ST8SIA4: variants seen among roughly 807,000 people sequenced by gnomAD.
The protein encoded by ST8SIA4 is CMP-N-acetylneuraminate-poly-alpha-2,8-sialyltransferase.
In ST8SIA4, 15 loss-of-function variants were observed where a neutral mutation model predicts 33.9. That is an observed-to-expected ratio of 0.44 (90% confidence interval 0.30 to 0.68). The LOEUF is 0.68. Ranked by LOEUF, ST8SIA4 falls within the 30% of genes least tolerant of loss-of-function variation. The probability of loss-of-function intolerance (pLI) is 0.10; values close to 1 mark genes in which losing one functional copy is unlikely to be tolerated. For missense variants in ST8SIA4, 321 were observed against 428.0 expected, an observed-to-expected ratio of 0.75 and a Z score of 2.21; for synonymous variants, 171 against 151.2, an observed-to-expected ratio of 1.13 and a Z score of -0.96.
At chr5:100,883,227 G>A (rs983188438) in intron 3 of ST8SIA4, among the ~76,000 whole-genome samples, 1 of 152,216 alleles carries the variant, frequency 6.6e-6, no homozygotes, top group Non-Finnish European at 1.5e-5. Context: ...ACCTACACGT[G>A]AGACCTGGCA....
chr5:100,839,801 T>C (rs958298133), intron 4 of ST8SIA4, among the ~76,000 whole-genome samples: 11 of 151,886 alleles, frequency 7.2e-5, no homozygotes, highest in African/African-American at 2.7e-4. Context: ...CACTGTTCTA[T>C]AGTGAGATTG....
chr5:100,872,260 G>T (rs115162615), intron 3 of ST8SIA4, among the ~76,000 whole-genome samples: 2 of 151,828 alleles, frequency 1.3e-5, no homozygotes, highest in African/African-American at 4.8e-5. Flanking sequence ...GGTACAGCAC[G>T]TATAGATTAT....
chr5:100,886,511 A>G lies in ST8SIA4; in HGVS notation c.335T>C (p.Leu112Pro), dbSNP rs1752540923. ...AATGTTTAGTGTCCGGCGCCTGTCAAGCACATAGTGTATGACATCACCAGG... is the reference window on the plus strand; with the variant it reads ...AATGTTTAGTGTCCGGCGCCTGTCAGGCACATAGTGTATGACATCACCAGG... ...FKPGDVIHYV[L>P]DRRRTLNISH... is the part of the protein sequence containing the mutation. The change falls in exon 3 of 5, where the codon CTT becomes CCT. Residue 112 changes from leucine to proline, a missense_variant. Transcript: ENST00000231461. The G allele has an allele frequency of 1.2e-6, 2 of 1,613,882 alleles. No homozygotes were observed. The highest frequency in any genetic ancestry group is 1.7e-6 in the Non-Finnish European group (2 of 1,179,780).
chr5:100,901,138 G>C (rs893976218), intron 1 of ST8SIA4, among the ~76,000 whole-genome samples: 3 of 152,216 alleles, frequency 2.0e-5, no homozygotes, highest in African/African-American at 4.8e-5. Flanking sequence ...GGAGTGTCCC[G>C]GCTCCGCTTC....
At chr5:100,867,972 A>G (rs769166413) in intron 3 of ST8SIA4, among the ~76,000 whole-genome samples, 2 of 152,000 alleles carry the variant, frequency 1.3e-5, no homozygotes, top group Non-Finnish European at 2.9e-5. Flanking sequence ...CTCAAGCTCT[A>G]TTTTAACAGA....
At chr5:100,901,662 A>G (rs550255867) in intron 1 of ST8SIA4, among the ~76,000 whole-genome samples, 2 of 152,172 alleles carry the variant, frequency 1.3e-5, no homozygotes, top group South Asian at 4.1e-4. Flanking sequence ...TAGCTTTTTC[A>G]TTCTCTTCCA....
intron 3 of ST8SIA4, among the ~76,000 whole-genome samples, chr5:100,857,958 T>C (rs1189227560): frequency 2.0e-5 from 3 of 152,040 alleles, no homozygotes; most frequent in Non-Finnish European, 4.4e-5. Context: ...TGTATTTGTT[T>C]CTACTCATGA....
rs1203289536 is a variant in ST8SIA4 at position 100,902,931 on chromosome 5, T to A, written c.25A>T (p.Thr9Ser). MRSIRKRW[T>S]ICTISLLLIF... ...AGGAGCAGACTTATTGTGCAGATCG[T>A]CCACCTCTTCCTAATGGAGCGCATC... The change falls in exon 1 of 5, where the codon ACG (threonine) becomes TCG (serine). Residue 9 changes from threonine (T) to serine (S), a missense_variant. Coordinates refer to ENST00000231461, the MANE Select transcript of ST8SIA4 (RefSeq NM_005668.6). 6.2e-7 allele frequency: 1 copy of A among 1,614,178 alleles called. No homozygotes were observed. Among genetic ancestry groups the A allele is most frequent in the Non-Finnish European group, 8.5e-7 (1 of 1,180,012 alleles).
intron 4 of ST8SIA4, among the ~76,000 whole-genome samples, chr5:100,842,931 A>T (rs1268351859): frequency 6.6e-6 from 1 of 151,894 alleles, no homozygotes; most frequent in African/African-American, 2.4e-5. Flanking sequence ...CAAGTTTGTA[A>T]CTGATGCAAA....
At chr5:100,870,427 T>A (rs1040914988) in intron 3 of ST8SIA4, among the ~76,000 whole-genome samples, 1 of 152,182 alleles carries the variant, frequency 6.6e-6, no homozygotes, top group Non-Finnish European at 1.5e-5. Flanking sequence ...TTGGAAGACA[T>A]CATTAACTTG....
chr5:100,834,584 C>T (rs1245252627), intron 4 of ST8SIA4, among the ~76,000 whole-genome samples: 1 of 151,984 alleles, frequency 6.6e-6, no homozygotes, highest in Non-Finnish European at 1.5e-5. Flanking sequence ...GGATCTATGT[C>T]CCTGGGAAAT....
chr5:100,819,354 C>A (rs984322886), intron 4 of ST8SIA4, among the ~76,000 whole-genome samples: 8 of 152,186 alleles, frequency 5.3e-5, no homozygotes, highest in African/African-American at 1.9e-4. Context: ...ATACTAATAG[C>A]ATTTGGGAAG....
intron 3 of ST8SIA4, among the ~76,000 whole-genome samples, chr5:100,858,024 A>G (rs1435244995): frequency 6.6e-6 from 1 of 152,066 alleles, no homozygotes; most frequent in Non-Finnish European, 1.5e-5. Context: ...TAAGAATATT[A>G]CAAACAGGAC....
intron 2 of ST8SIA4, among the ~76,000 whole-genome samples, chr5:100,891,427 T>C (rs1752662486): frequency 1.3e-5 from 2 of 152,100 alleles, no homozygotes; most frequent in South Asian, 4.1e-4. Context: ...TTTGAAAGAT[T>C]ATTTTTGCAA....
At chr5:100,833,340 G>A (rs1028133078) in intron 4 of ST8SIA4, among the ~76,000 whole-genome samples, 9 of 152,144 alleles carry the variant, frequency 5.9e-5, no homozygotes, top group African/African-American at 2.2e-4. Context: ...TTATTTAAAC[G>A]TTTGTAAGTT....
chr5:100,829,046 T>C (rs1751199365), intron 4 of ST8SIA4, among the ~76,000 whole-genome samples: 1 of 152,230 alleles, frequency 6.6e-6, no homozygotes, highest in African/African-American at 2.4e-5. Context: ...TTTGTAGGTG[T>C]AGGAATATTC....
At chr5:100,832,963 A>G (rs1454485544) in intron 4 of ST8SIA4, among the ~76,000 whole-genome samples, 7 of 152,172 alleles carry the variant, frequency 4.6e-5, no homozygotes, top group Non-Finnish European at 8.8e-5. Flanking sequence ...TGAGGAAAGT[A>G]ATTCTTCCCT....
At chr5:100,817,586 C>A (rs1206199952) in intron 4 of ST8SIA4, among the ~76,000 whole-genome samples, 1 of 152,082 alleles carries the variant, frequency 6.6e-6, no homozygotes, top group Non-Finnish European at 1.5e-5. Flanking sequence ...TCATTGTATT[C>A]TAGTCTGCAG....
In ST8SIA4 at chr5:100,811,070, C is replaced by T. The variant is rs914430043; in HGVS notation, c.*777G>A. 1.1e-4 allele frequency: 17 copies of T among 151,340 alleles called. No individual in the cohort carries two copies. The highest frequency in any genetic ancestry group is 3.2e-4 in the African/African-American group (13 of 41,016). 9.4% of individuals were successfully genotyped at this position (151,340 alleles called of 1,614,324 possible). ...CAGGCGCCTGCAGTCCCAGCTACTC[C>T]GGAGGCTGAGGCAGGAGAATGGAGT... On this transcript the variant is annotated 3_prime_UTR_variant, in exon 5 of 5. Transcript: ENST00000231461.
Sources: allele counts gnomAD v4.1 joint callset (sites outside exome capture counted in the v4.1 genomes callset), GRCh38; gene constraint gnomAD v4.1.1; transcripts MANE v1.5; gene names NCBI Gene and HGNC (gene_info 2026-07-23, HGNC 2026-07-21).